RBL2: variants seen among roughly 807,000 people sequenced by gnomAD.
The protein encoded by RBL2 is RB transcriptional corepressor like 2.
In RBL2, 56 loss-of-function variants were observed where a neutral mutation model predicts 126.0. That is an observed-to-expected ratio of 0.44 (90% confidence interval 0.36 to 0.56). RBL2 has a LOEUF of 0.56. Ranked by LOEUF, RBL2 falls within the 20% of genes least tolerant of loss-of-function variation. The probability of loss-of-function intolerance (pLI) is 0.00; values close to 1 mark genes in which losing one functional copy is unlikely to be tolerated. For synonymous variants in RBL2, 454 were observed against 478.5 expected (o/e 0.95, Z 0.67); for missense variants, 1,229 against 1,398.2 (o/e 0.88, Z 1.93).
intron 21 of RBL2, chr16:53,488,571 G>GAAGGGGGAGAATATTACAAAGCAAC (rs1961266527): frequency 6.6e-6 from 1 of 152,050 alleles, no homozygotes; most frequent in Non-Finnish European, 1.5e-5. Context: ...TACAAAGCAA[G>GAAGGGGGAGAATATTACAAAGCAAC]AAGGGGGAGA....
intron 19 of RBL2, 48 bp from the exon 20 acceptor site, chr16:53,480,519 C>A: frequency 1.3e-6 from 2 of 1,502,830 alleles, no homozygotes; most frequent in Admixed American, 2.1e-5. Context: ...TTAAAACAGT[C>A]AATATTAGCA....
At chr16:53,451,938 A>G in intron 5 of RBL2, 107 bp downstream of exon 5, 1 of 1,283,360 alleles carries the variant, frequency 7.8e-7, no homozygotes, top group Non-Finnish European at 1.1e-6. Flanking sequence ...AGCTCCTGTC[A>G]TTACGGCTAT....
At chr16:53,462,424 A>T (rs1355212112) in intron 10 of RBL2, 128 bp from the exon 11 acceptor site, 13 of 536,822 alleles carry the variant, frequency 2.4e-5, no homozygotes, top group Non-Finnish European at 3.9e-5. Context: ...CACCAATCAT[A>T]AGAAGTGTGC....
At chr16:53,457,369 C>T (rs1407709322) in intron 8 of RBL2, among the ~76,000 whole-genome samples, 1 of 149,922 alleles carries the variant, frequency 6.7e-6, no homozygotes, top group African/African-American at 2.5e-5. Context: ...AAGCGATTCT[C>T]CTGCCTCAGC....
Position 53,434,810 on chromosome 16 carries a change from C to T in RBL2, c.240+14C>T, listed in dbSNP as rs1286174254. 2 of 1,483,434 alleles carry T rather than the reference C, an allele frequency of 1.3e-6. No individual in the cohort carries two copies. The highest frequency in any genetic ancestry group is 2.7e-5 in the East Asian group (1 of 37,458). The allele number at this position is 1,483,434 out of a possible 1,614,324, so 91.9% of individuals were successfully genotyped here. A position where few individuals can be genotyped will look rare whatever the true frequency, so the allele number is the denominator to read the frequency against. On this transcript the variant is annotated intron_variant, in intron 1 of 21. Transcript: ENST00000262133. ...TACACGCTGGAGGTGCGCTCGCGGG[C>T]GGAGGGGCGCTTCCGGCCTAGTTGG...
intron 15 of RBL2, 43 bp downstream of exon 15, chr16:53,470,228 A>G (rs2058309213): frequency 1.9e-6 from 3 of 1,572,626 alleles, no homozygotes; most frequent in Middle Eastern, 1.7e-4. Flanking sequence ...TCTCTGTGGC[A>G]TGTATTGAAA....
intron 1 of RBL2, among the ~76,000 whole-genome samples, chr16:53,437,485 A>G (rs1412174267): frequency 2.0e-5 from 3 of 152,186 alleles, no homozygotes; most frequent in South Asian, 2.1e-4. Flanking sequence ...TCGCTTTTAT[A>G]GGGAGAGGAA....
intron 21 of RBL2, chr16:53,488,678 G>T (rs1368955658): frequency 6.6e-6 from 1 of 152,124 alleles, no homozygotes; most frequent in African/African-American, 2.4e-5. Context: ...TACTATACAA[G>T]ATCAGTTAAG....
chr16:53,485,960 A>C (rs1248874617), intron 21 of RBL2, among the ~76,000 whole-genome samples: 4 of 152,112 alleles, frequency 2.6e-5, no homozygotes, highest in Non-Finnish European at 5.9e-5. Context: ...ATGACACATT[A>C]CTAGTATACA....
In RBL2 at chr16:53,434,646, G is replaced by T; in HGVS notation, c.90G>T (p.Glu30Asp). Residue 30 changes from glutamate (E) to aspartate (D), a missense_variant, in exon 1 of 22, where the codon GAG becomes GAT. By Grantham distance (45) the Glu-to-Asp change is conservative (BLOSUM62 2). This residue lies in a region of RBL2 where 159 missense variants were observed against 123.9 expected (regional missense o/e 1.28). Coordinates refer to ENST00000262133, the MANE Select transcript of RBL2 (RefSeq NM_005611.4). ...ASDEEEEDDG[E>D]AEDAAPPAES... ...ATGAGGAGGAGGAGGACGACGGCGA[G>T]GCGGAAGACGCCGCGCCGCCTGCCG... 6.4e-7 allele frequency: 1 copy of T among 1,564,500 alleles called. No individual in the cohort carries two copies.
At chr16:53,485,714 G>C (rs535894337) in intron 21 of RBL2, among the ~76,000 whole-genome samples, 19 of 151,994 alleles carry the variant, frequency 1.3e-4, no homozygotes, top group Middle Eastern at 3.4e-3. Flanking sequence ...AATTTAACTG[G>C]GTGTGGTGCT....
chr16:53,480,182 A>G (rs533207443), intron 19 of RBL2, 191 bp downstream of exon 19: 9 of 554,534 alleles, frequency 1.6e-5, no homozygotes, highest in African/African-American at 1.5e-4. Context: ...ATTATGTAAC[A>G]TTTTTCTCCA....
intron 21 of RBL2, among the ~76,000 whole-genome samples, chr16:53,486,443 CAG>C (rs1410811967): frequency 6.6e-6 from 1 of 152,182 alleles, no homozygotes. Flanking sequence ...AACCTCCTGT[CAG>C]AGAAAACTGT....
At chr16:53,482,934 G>A (rs139346344) in intron 21 of RBL2, among the ~76,000 whole-genome samples, 1 of 152,132 alleles carries the variant, frequency 6.6e-6, no homozygotes, top group East Asian at 1.9e-4. Flanking sequence ...AGGGAGACAC[G>A]ACATCCAAAT....
Position 53,434,811 on chromosome 16 carries a change from G to A in RBL2, c.240+15G>A, listed in dbSNP as rs997971532. ...ACACGCTGGAGGTGCGCTCGCGGGCGGAGGGGCGCTTCCGGCCTAGTTGGC... is the reference window on the plus strand; with the variant it reads ...ACACGCTGGAGGTGCGCTCGCGGGCAGAGGGGCGCTTCCGGCCTAGTTGGC... On this transcript the variant is annotated intron_variant, in intron 1 of 21. Transcript: ENST00000262133. 6.7e-7 allele frequency: 1 copy of A among 1,485,098 alleles called. No individual in the cohort carries two copies. Among genetic ancestry groups the A allele is most frequent in the East Asian group, 2.7e-5 (1 of 37,588 alleles). 92.0% of individuals were successfully genotyped at this position (1,485,098 alleles called of 1,614,324 possible).
At chr16:53,446,975 A>C in intron 3 of RBL2, 67 bp from the exon 4 acceptor site, 2 of 952,624 alleles carry the variant, frequency 2.1e-6, no homozygotes, top group Non-Finnish European at 3.1e-6. Flanking sequence ...CCTGATTTAT[A>C]ATCATTTGGG....
rs200722939 is a variant in RBL2, at chr16:53,479,241, C to T, written c.2775+16C>T. 3.4e-5 allele frequency: 55 copies of T among 1,598,564 alleles called. No homozygotes were observed. In the East Asian group the frequency reaches 1.0e-3, roughly 30 times the overall value. On this transcript the variant is annotated intron_variant, in intron 18 of 21. Coordinates refer to ENST00000262133, the MANE Select transcript of RBL2 (RefSeq NM_005611.4). ...CCGGAGCCAGGTAACTACATTTTCT[C>T]TATGGGCTGAAAAATAAAGCTTAAA...
chr16:53,468,449 T>G (rs1290003463), intron 14 of RBL2, among the ~76,000 whole-genome samples: 2 of 152,158 alleles, frequency 1.3e-5, no homozygotes, highest in Non-Finnish European at 2.9e-5. Context: ...AAAGTCCTCA[T>G]TTTTGAAAGA....
intron 11 of RBL2, among the ~76,000 whole-genome samples, chr16:53,463,658 TC>T (rs1317549412): frequency 1.4e-5 from 2 of 141,878 alleles, no homozygotes; most frequent in African/African-American, 5.2e-5. Context: ...AACCTCTACC[TC>T]CTGGGTTCAA....
Sources: allele counts gnomAD v4.1 joint callset (sites outside exome capture counted in the v4.1 genomes callset), GRCh38; gene constraint gnomAD v4.1.1; regional missense constraint gnomAD v4.1.1; transcripts MANE v1.5; gene names NCBI Gene and HGNC (gene_info 2026-07-23, HGNC 2026-07-21).